The following TMEFF2 variants were observed in gnomAD, a reference collection of about 807,000 sequenced individuals.
TMEFF2 encodes the protein tomoregulin-2.
Under a neutral mutation model 53.8 loss-of-function variants are expected in TMEFF2, and 28 were observed. The observed-to-expected ratio is 0.52, with a 90% CI of 0.39 to 0.71. The LOEUF (loss-of-function observed/expected upper bound fraction) is 0.71. Ranked by LOEUF, TMEFF2 falls within the 30% of genes least tolerant of loss-of-function variation. The probability of loss-of-function intolerance (pLI) is 0.00; values close to 1 mark genes in which losing one functional copy is unlikely to be tolerated. For synonymous variants in TMEFF2, 162 were observed against 166.3 expected, an observed-to-expected ratio of 0.97 and a Z score of 0.20; for missense variants, 353 against 455.2, an observed-to-expected ratio of 0.78 and a Z score of 2.04.
intron 7 of TMEFF2, among the ~76,000 whole-genome samples, chr2:191,968,418 G>C (rs1327913132): frequency 1.3e-5 from 2 of 152,186 alleles, no homozygotes; most frequent in Non-Finnish European, 2.9e-5. Flanking sequence ...AACAAAGAGT[G>C]GGTATTGACA....
rs977110560 is a variant in TMEFF2, at chr2:192,130,686, G to A, written c.439+48982C>T. ...TTTCCATTACCTTCCCAAATCCTAT[G>A]AAACGGCCCCACCCCTATCTCCCTT... is the stretch of plus-strand genomic sequence containing the variant. On this transcript the variant is annotated intron_variant, in intron 4 of 9. Coordinates refer to ENST00000272771, the MANE Select transcript of TMEFF2 (RefSeq NM_016192.4). 3.3e-4 allele frequency among the ~76,000 whole-genome samples: 50 copies of A among 151,278 alleles called. 1 individual carries two copies. The highest frequency in any genetic ancestry group is 5.3e-4 in the Admixed American group (8 of 15,196).
At chr2:191,965,810 C>T (rs1692453140) in intron 7 of TMEFF2, among the ~76,000 whole-genome samples, 1 of 152,134 alleles carries the variant, frequency 6.6e-6, no homozygotes, top group Admixed American at 6.5e-5. Context: ...ATTATTTCCT[C>T]TAAGAAACTT....
chr2:192,048,792 C>CA (rs1687689810), intron 5 of TMEFF2, among the ~76,000 whole-genome samples: 1 of 152,156 alleles, frequency 6.6e-6, no homozygotes, highest in Non-Finnish European at 1.5e-5. Flanking sequence ...GCCACTGCCA[C>CA]TGCAAAACAG....
intron 5 of TMEFF2, chr2:192,036,910 T>G (rs1382633782): frequency 6.6e-6 from 1 of 152,226 alleles, no homozygotes; most frequent in Non-Finnish European, 1.5e-5. Context: ...TTTTCAGAAC[T>G]CTGTTTTCTT....
At chr2:192,055,774 C>CAAAAAAAAA (rs71405038) in intron 5 of TMEFF2, among the ~76,000 whole-genome samples, 1 of 42,500 alleles carries the variant, frequency 2.4e-5, no homozygotes, top group Non-Finnish European at 4.6e-5. Context: ...GACTCCATCT[C>CAAAAAAAAA]AAAAAAAAAA....
chr2:191,995,446 T>C (rs565175349), intron 7 of TMEFF2, among the ~76,000 whole-genome samples: 12 of 152,102 alleles, frequency 7.9e-5, no homozygotes, highest in Admixed American at 3.3e-4. Context: ...GGGAAGTGGC[T>C]GTGACATTAA....
chr2:191,988,182 T>C (rs1686023473), intron 7 of TMEFF2, among the ~76,000 whole-genome samples: 1 of 152,212 alleles, frequency 6.6e-6, no homozygotes, highest in South Asian at 2.1e-4. Flanking sequence ...TTAATTTTTC[T>C]ACATATAGAA....
intron 5 of TMEFF2, among the ~76,000 whole-genome samples, chr2:192,018,771 A>G (rs1686796746): frequency 6.6e-6 from 1 of 152,156 alleles, no homozygotes; most frequent in African/African-American, 2.4e-5. Flanking sequence ...TCATGTATTA[A>G]CTGGCAAAAT....
At chr2:192,094,221 G>A (rs371371453) in intron 4 of TMEFF2, among the ~76,000 whole-genome samples, 1 of 152,144 alleles carries the variant, frequency 6.6e-6, no homozygotes, top group African/African-American at 2.4e-5. Flanking sequence ...GACTGAGAGG[G>A]TTGAGTACAA....
intron 4 of TMEFF2, among the ~76,000 whole-genome samples, chr2:192,133,020 T>C (rs903773248): frequency 5.9e-5 from 9 of 151,532 alleles, no homozygotes; most frequent in East Asian, 3.9e-4. Flanking sequence ...TTACCTTCTT[T>C]TCAAGGGCCT....
At chr2:192,039,272 G>C (rs1687414866) in intron 5 of TMEFF2, among the ~76,000 whole-genome samples, 1 of 152,032 alleles carries the variant, frequency 6.6e-6, no homozygotes, top group Admixed American at 6.6e-5. Flanking sequence ...TCAATTCTAT[G>C]AATAAAAAAA....
intron 4 of TMEFF2, among the ~76,000 whole-genome samples, chr2:192,142,997 A>C (rs903120484): frequency 5.9e-5 from 9 of 152,146 alleles, no homozygotes; most frequent in Admixed American, 3.3e-4. Context: ...AAAAATTAGG[A>C]GGTTTTGCAG....
At chr2:191,986,034 C>T (rs1053835136) in intron 7 of TMEFF2, among the ~76,000 whole-genome samples, 3 of 152,198 alleles carry the variant, frequency 2.0e-5, no homozygotes, top group Non-Finnish European at 4.4e-5. Flanking sequence ...TTCATGAACA[C>T]TTCAGTTTTA....
At chr2:192,078,006 C>A (rs1448579991) in intron 4 of TMEFF2, among the ~76,000 whole-genome samples, 1 of 152,082 alleles carries the variant, frequency 6.6e-6, no homozygotes, top group East Asian at 1.9e-4. Flanking sequence ...TTCATTTAAA[C>A]TGTACTATAG....
chr2:192,135,500 C>T (rs912373222), intron 4 of TMEFF2, among the ~76,000 whole-genome samples: 5 of 152,260 alleles, frequency 3.3e-5, no homozygotes, highest in African/African-American at 9.6e-5. Context: ...CCCCTTTCCA[C>T]AAAATCTTCC....
intron 4 of TMEFF2, among the ~76,000 whole-genome samples, chr2:192,100,856 T>C (rs1387915324): frequency 3.9e-5 from 6 of 152,216 alleles, no homozygotes; most frequent in Non-Finnish European, 7.3e-5. Context: ...TTCAGGAGTG[T>C]ATACCATCAC....
intron 4 of TMEFF2, among the ~76,000 whole-genome samples, chr2:192,144,667 A>G (rs1292345279): frequency 6.6e-6 from 1 of 152,072 alleles, no homozygotes; most frequent in Non-Finnish European, 1.5e-5. Flanking sequence ...AGCAAATGAC[A>G]AAAGGTTAAA....
intron 5 of TMEFF2, among the ~76,000 whole-genome samples, chr2:192,027,525 A>C (rs1687001366): frequency 6.6e-6 from 1 of 152,210 alleles, no homozygotes; most frequent in South Asian, 2.1e-4. Context: ...ATGATGTTGG[A>C]TGTGGCAGCA....
chr2:192,072,502 A>C (rs1294182552), intron 4 of TMEFF2, among the ~76,000 whole-genome samples: 1 of 151,942 alleles, frequency 6.6e-6, no homozygotes, highest in East Asian at 1.9e-4. Flanking sequence ...ATACCCACAC[A>C]ACATCCTGTA....
Sources: allele counts gnomAD v4.1 joint callset (sites outside exome capture counted in the v4.1 genomes callset), GRCh38; gene constraint gnomAD v4.1.1; transcripts MANE v1.5; gene names NCBI Gene and HGNC (gene_info 2026-07-23, HGNC 2026-07-21).